The following CYTH1 variants were observed in gnomAD, a reference collection of about 807,000 sequenced individuals.
CYTH1 encodes the protein cytohesin-1.
Under a neutral mutation model 61.8 loss-of-function variants are expected in CYTH1, and 18 were observed. That is an observed-to-expected ratio of 0.29 (90% CI 0.20 to 0.43). The LOEUF (loss-of-function observed/expected upper bound fraction) is 0.43. Ranked by LOEUF, CYTH1 falls within the 20% of genes least tolerant of loss-of-function variation. The pLI, the probability that CYTH1 is intolerant of heterozygous loss-of-function variation, is 1.00. For synonymous variants in CYTH1, 174 were observed against 184.3 expected (o/e 0.94, Z 0.45); for missense variants, 336 against 510.5 (o/e 0.66, Z 3.29).
chr17:78,745,940 G>A (rs147552611), intron 1 of CYTH1, among the ~76,000 whole-genome samples: 3 of 152,130 alleles, frequency 2.0e-5, no homozygotes, highest in Admixed American at 6.6e-5. Flanking sequence ...TATAGGGAGA[G>A]GAGAGGCAAT....
At chr17:78,737,878 CA>C (rs2093327146) in intron 1 of CYTH1, among the ~76,000 whole-genome samples, 2 of 80,062 alleles carry the variant, frequency 2.5e-5, no homozygotes, top group African/African-American at 6.2e-5. Context: ...TATAGATACA[CA>C]CACACACACA....
intron 1 of CYTH1, among the ~76,000 whole-genome samples, chr17:78,710,991 A>G (rs953750894): frequency 6.6e-6 from 1 of 152,130 alleles, no homozygotes; most frequent in South Asian, 2.1e-4. Context: ...GGCCGGGCAC[A>G]GTGGCTCATG....
rs1402947143 is a variant in CYTH1, at chr17:78,676,114, CCTT to C, written c.1171_1173del (p.Lys391del). 3 of 1,610,826 alleles carry C rather than the reference CCTT, an allele frequency of 1.9e-6. No homozygotes were observed. The highest frequency in any genetic ancestry group is 1.7e-5 in the Admixed American group (1 of 59,524). On this transcript the variant is annotated inframe_deletion, in exon 14 of 14. Transcript: ENST00000446868. The stretch of plus-strand genomic sequence containing the variant: ...GCTCAGTGTCGCTTCGTGGAGGAGA[CCTT>C]CTTTTTCCGTGCTGCGAGCATTTCG...
At chr17:78,729,125 TAG>T (rs759863885) in intron 1 of CYTH1, among the ~76,000 whole-genome samples, 3 of 152,176 alleles carry the variant, frequency 2.0e-5, no homozygotes, top group South Asian at 2.1e-4. Context: ...TTATTATTTT[TAG>T]AGAGAGGGTC....
intron 1 of CYTH1, among the ~76,000 whole-genome samples, chr17:78,719,397 T>C (rs1468715863): frequency 2.0e-5 from 3 of 152,048 alleles, no homozygotes; most frequent in Admixed American, 1.3e-4. Flanking sequence ...CTGTGAGGCA[T>C]GGCTAACAAC....
intron 9 of CYTH1, among the ~76,000 whole-genome samples, chr17:78,697,601 G>A (rs1439243681): frequency 2.0e-5 from 3 of 150,886 alleles, no homozygotes; most frequent in Non-Finnish European, 2.9e-5. Context: ...TGAAAAGGAG[G>A]GGAAAAAAAA....
At chr17:78,763,947 C>G (rs760811825) in intron 1 of CYTH1, among the ~76,000 whole-genome samples, 10 of 151,958 alleles carry the variant, frequency 6.6e-5, no homozygotes, top group Non-Finnish European at 1.2e-4. Context: ...CCTGTCTCTA[C>G]CAAAAATAAA....
intron 1 of CYTH1, among the ~76,000 whole-genome samples, chr17:78,745,541 C>T (rs1434255991): frequency 6.6e-6 from 1 of 152,160 alleles, no homozygotes; most frequent in Non-Finnish European, 1.5e-5. Context: ...ATCTGTGCTG[C>T]CCTCTGCTGG....
chr17:78,761,557 T>C (rs1233846952), intron 1 of CYTH1, among the ~76,000 whole-genome samples: 1 of 151,934 alleles, frequency 6.6e-6, no homozygotes, highest in East Asian at 1.9e-4. Flanking sequence ...GCTAACACGG[T>C]GAAACCCCGT....
intron 11 of CYTH1, among the ~76,000 whole-genome samples, chr17:78,684,261 G>A (rs1367534256): frequency 2.0e-5 from 3 of 152,176 alleles, no homozygotes; most frequent in South Asian, 2.1e-4. Context: ...AGCCAGCATC[G>A]CAGACAGGTG....
At position 78,760,437 on chromosome 17, in the gene CYTH1, A is replaced by ATGTATG. The variant is rs1162930859; in HGVS notation, c.22+21764_22+21765insCATACA. ...TATATATATATATACACATACATAT[A>ATGTATG]TATATGTATATATATATACATACAT... On this transcript the variant is annotated intron_variant, in intron 1 of 13. Transcript: ENST00000446868. Among the ~76,000 whole-genome samples the ATGTATG allele has an allele frequency of 6.8e-5, 4 of 58,960 alleles. 1 individual carries two copies. The East Asian group carries it at 1.9e-3, about 28-fold the overall frequency. The allele number at this position is 58,960 out of a possible 152,430, so 38.7% of individuals were successfully genotyped here. A position where few individuals can be genotyped will look rare whatever the true frequency, so the allele number is the denominator to read the frequency against.
intron 1 of CYTH1, among the ~76,000 whole-genome samples, chr17:78,749,748 A>G (rs2093372592): frequency 6.6e-6 from 1 of 152,188 alleles, no homozygotes; most frequent in Admixed American, 6.5e-5. Flanking sequence ...AGAAAAAAAG[A>G]ACTCTAAAAC....
intron 1 of CYTH1, among the ~76,000 whole-genome samples, chr17:78,746,235 G>A (rs1024864977): frequency 1.3e-5 from 2 of 152,070 alleles, no homozygotes; most frequent in African/African-American, 4.8e-5. Flanking sequence ...TAAATAAGAC[G>A]GTCAGAACAG....
At chr17:78,742,346 GAGCCCA>G (rs1299580428) in intron 1 of CYTH1, among the ~76,000 whole-genome samples, 2 of 152,218 alleles carry the variant, frequency 1.3e-5, no homozygotes, top group Non-Finnish European at 2.9e-5. Flanking sequence ...AGGACTGACT[GAGCCCA>G]GGAGTTTGAG....
At position 78,756,467 on chromosome 17, in the gene CYTH1, G is replaced by A. The variant is rs79701798; in HGVS notation, c.22+25735C>T. On this transcript the variant is annotated intron_variant, in intron 1 of 13. Transcript: ENST00000446868. Reference sequence around the variant, plus strand: ...CAAGGAGAAGGAACCTGAAAAGTCTGCAGCAAATAGACAAATGGAAATTAA... The same window carrying A: ...CAAGGAGAAGGAACCTGAAAAGTCTACAGCAAATAGACAAATGGAAATTAA... Among the ~76,000 whole-genome samples the A allele has an allele frequency of 5.9e-3, 893 of 152,198 alleles. 40 individuals carry two copies. In the East Asian group the frequency reaches 0.11, roughly 19 times the overall value.
chr17:78,708,439 G>A (rs779199509), intron 2 of CYTH1, among the ~76,000 whole-genome samples, 178 bp from the exon 3 acceptor site: 2 of 152,174 alleles, frequency 1.3e-5, no homozygotes, highest in Non-Finnish European at 1.5e-5. Context: ...TTTATTGAGT[G>A]CCTACCAAAC....
chr17:78,697,013 T>C (rs2092946143), intron 9 of CYTH1, among the ~76,000 whole-genome samples: 1 of 152,236 alleles, frequency 6.6e-6, no homozygotes, highest in African/African-American at 2.4e-5. Flanking sequence ...ATTCAAGAGA[T>C]ATTTAAAACT....
intron 7 of CYTH1, among the ~76,000 whole-genome samples, chr17:78,699,873 G>A (rs532948859): frequency 5.3e-5 from 8 of 152,220 alleles, no homozygotes; most frequent in Admixed American, 4.6e-4. Context: ...GCGTGTAGTC[G>A]TAAACTCTTG....
At position 78,675,998 on chromosome 17, in the gene CYTH1, G is replaced by T; in HGVS notation, c.*93C>A. 6.4e-7 allele frequency: 1 copy of T among 1,551,128 alleles called. No individual in the cohort carries two copies. The highest frequency in any genetic ancestry group is 8.7e-7 in the Non-Finnish European group (1 of 1,146,626). On this transcript the variant is annotated 3_prime_UTR_variant, in exon 14 of 14. Coordinates refer to ENST00000446868, the MANE Select transcript of CYTH1 (RefSeq NM_004762.6). Reference sequence around the variant, plus strand: ...GGAATCCAGGGCGGGGCCTGGCAGAGGACGCTCTGCTCGGCAGCAGTGCAT... The same window carrying T: ...GGAATCCAGGGCGGGGCCTGGCAGATGACGCTCTGCTCGGCAGCAGTGCAT...
Sources: gnomAD v4.1 joint callset for allele counts (sites outside exome capture counted in the v4.1 genomes callset) on GRCh38, gnomAD v4.1.1 for gene constraint, MANE v1.5 for transcripts, NCBI Gene and HGNC (gene_info 2026-07-23, HGNC 2026-07-21) for gene names.